The following WDR62 variants were observed in gnomAD, a reference collection of about 807,000 sequenced individuals.
WDR62 encodes the protein WD repeat-containing protein 62.
Under a neutral mutation model 160.6 loss-of-function variants are expected in WDR62, and 112 were observed. The ratio of observed to expected loss-of-function variants is 0.70; its 90% CI spans 0.60 to 0.82. WDR62 has a LOEUF of 0.82. Ranked by LOEUF, WDR62 falls within the 40% of genes least tolerant of loss-of-function variation. The probability of loss-of-function intolerance (pLI) is 0.00; values close to 1 mark genes in which losing one functional copy is unlikely to be tolerated. For synonymous variants in WDR62, 792 were observed against 815.1 expected (o/e 0.97, Z 0.48); for missense variants, 1,819 against 1,983.8 (o/e 0.92, Z 1.58).
At position 36,092,770 on chromosome 19, in the gene WDR62, G is replaced by T; in HGVS notation, c.2292G>T (p.Gln764His). The T allele has an allele frequency of 6.2e-7, 1 of 1,614,172 alleles. No homozygotes were observed. The highest frequency in any genetic ancestry group is 1.1e-5 in the South Asian group (1 of 91,088). The change falls in exon 19 of 32, where the codon CAG becomes CAT. Residue 764 changes from glutamine to histidine, a missense_variant. Around this residue, in one of 3 missense-constraint regions of WDR62, gnomAD observed 934 missense variants for 1,157.2 expected, o/e 0.81. Coordinates refer to ENST00000401500, the MANE Select transcript of WDR62 (RefSeq NM_001083961.2). ...QHLLEIDHRQ[Q>H]QQHTNDKKRS... Reference sequence around the variant, plus strand: ...TGCTGGAGATTGACCACCGGCAGCAGCAGCAGCACACAAATGACAAGAAGC... The same window carrying T: ...TGCTGGAGATTGACCACCGGCAGCATCAGCAGCACACAAATGACAAGAAGC...
chr19:36,067,745 C>T, intron 6 of WDR62, 83 bp from the exon 7 acceptor site: 2 of 1,479,322 alleles, frequency 1.4e-6, no homozygotes, highest in South Asian at 1.1e-5. Flanking sequence ...TTAGAGTTCT[C>T]CTGTTTTGTT....
intron 8 of WDR62, 68 bp downstream of exon 8, chr19:36,071,784 G>A: frequency 1.3e-6 from 2 of 1,553,014 alleles, no homozygotes; most frequent in Middle Eastern, 2.1e-4. Flanking sequence ...ATTCATCCAT[G>A]CTTCCAGATC....
chr19:36,063,182 A>C (rs1212926571), intron 3 of WDR62, among the ~76,000 whole-genome samples: 3 of 152,092 alleles, frequency 2.0e-5, no homozygotes, highest in Non-Finnish European at 2.9e-5. Flanking sequence ...TGACCTTGTG[A>C]TCCGCCCGCC....
chr19:36,069,738 C>T (rs531275750), intron 7 of WDR62, among the ~76,000 whole-genome samples: 9 of 152,388 alleles, frequency 5.9e-5, no homozygotes, highest in African/African-American at 1.9e-4. Context: ...TCTGCAATCC[C>T]GGCACCTCGG....
At chr19:36,102,629 C>G in intron 26 of WDR62, 108 bp from the exon 27 acceptor site, 1 of 894,150 alleles carries the variant, frequency 1.1e-6, no homozygotes, top group Non-Finnish European at 1.8e-6. Flanking sequence ...TACCCTGTGT[C>G]TGTACATAAG....
rs150864455 is a variant in WDR62, at chr19:36,102,497, A to G, written c.3221-240A>G. On this transcript the variant is annotated intron_variant, in intron 26 of 31. Coordinates refer to ENST00000401500, the MANE Select transcript of WDR62 (RefSeq NM_001083961.2). The stretch of plus-strand genomic sequence containing the variant: ...GACTGGTCTCAAACTCCTGCCTCAG[A>G]TGATCTGCCCGCCTTGGCCTCCCAA... 348 of 592,358 alleles carry G rather than the reference A, an allele frequency of 5.9e-4. 2 individuals are homozygous for G. The East Asian group carries it at 9.5e-3, about 16-fold the overall frequency. 36.7% of individuals were successfully genotyped at this position (592,358 alleles called of 1,614,324 possible). A position where few individuals can be genotyped will look rare whatever the true frequency, so the allele number is the denominator to read the frequency against.
Position 36,096,195 on chromosome 19 carries a change from A to G in WDR62, c.2468-832A>G, listed in dbSNP as rs117204727. ...AGCCTTGACCTCCTGGGCTCAAGCAATTTTCCCTCCTTAGCCTGTGGAGTA... is the reference window on the plus strand; with the variant it reads ...AGCCTTGACCTCCTGGGCTCAAGCAGTTTTCCCTCCTTAGCCTGTGGAGTA... On this transcript the variant is annotated intron_variant, in intron 20 of 31. Coordinates refer to ENST00000401500, the MANE Select transcript of WDR62 (RefSeq NM_001083961.2). 1.4e-3 allele frequency among the ~76,000 whole-genome samples: 216 copies of G among 152,182 alleles called. 5 individuals are homozygous for G. The highest frequency in any genetic ancestry group is 0.012 in the Admixed American group (178 of 15,288).
intron 17 of WDR62, 29 bp downstream of exon 17, chr19:36,091,340 T>TGGC: frequency 1.5e-5 from 23 of 1,578,512 alleles, no homozygotes; most frequent in Admixed American, 1.7e-5. Context: ...TTGGGATGCC[T>TGGC]CCCCACCCGC....
chr19:36,062,571 A>C (rs1420316715), intron 3 of WDR62: 3 of 135,404 alleles, frequency 2.2e-5, no homozygotes, highest in Non-Finnish European at 4.6e-5. Context: ...AATCGCTTGA[A>C]CCCGGGAGGC....
chr19:36,072,970 C>T (rs1971378116), intron 8 of WDR62, among the ~76,000 whole-genome samples: 1 of 152,196 alleles, frequency 6.6e-6, no homozygotes, highest in Non-Finnish European at 1.5e-5. Flanking sequence ...CCTTAGGACA[C>T]AGAGGCTTTT....
chr19:36,067,177 C>A, intron 5 of WDR62, 129 bp from the exon 6 acceptor site: 1 of 1,262,964 alleles, frequency 7.9e-7, no homozygotes, highest in Non-Finnish European at 1.1e-6. Flanking sequence ...CATACAGCAG[C>A]TCCCTGGAGG....
chr19:36,082,964 G>T, intron 10 of WDR62, 99 bp from the exon 11 acceptor site: 6 of 1,050,266 alleles, frequency 5.7e-6, no homozygotes, highest in Non-Finnish European at 8.7e-6. Context: ...CAAAATTAGA[G>T]TTGTATTACT....
At chr19:36,079,772 T>C (rs555325692) in intron 9 of WDR62, among the ~76,000 whole-genome samples, 17 of 152,354 alleles carry the variant, frequency 1.1e-4, no homozygotes, top group African/African-American at 3.8e-4. Context: ...GCTGATGATA[T>C]GTAGGTCTTG....
intron 11 of WDR62, 36 bp downstream of exon 11, chr19:36,083,277 C>G (rs1599796451): frequency 6.4e-7 from 1 of 1,561,082 alleles, no homozygotes. Flanking sequence ...TGTACACCTC[C>G]CAGCTCCAGC....
At chr19:36,068,439 A>C (rs1971063458) in intron 7 of WDR62, among the ~76,000 whole-genome samples, 1 of 151,952 alleles carries the variant, frequency 6.6e-6, no homozygotes, top group African/African-American at 2.4e-5. Context: ...ACAATAGTGG[A>C]GGGAAGGTCA....
rs1424285325 is a variant in WDR62 at position 36,083,702 on chromosome 19, A to G, written c.1550+461A>G. Among the ~76,000 whole-genome samples the G allele has an allele frequency of 6.6e-5, 10 of 152,242 alleles. No individual in the cohort carries two copies. The East Asian group carries it at 1.7e-3, about 26-fold the overall frequency. On this transcript the variant is annotated intron_variant, in intron 11 of 31. Coordinates refer to ENST00000401500, the MANE Select transcript of WDR62 (RefSeq NM_001083961.2). ...AACCCAGTAGGTGCTAGTGGGACAT[A>G]GGCCCTGTTGCTGGGACCAGGTTTA...
At chr19:36,093,987 A>G (rs200659502) in intron 19 of WDR62, 44 bp from the exon 20 acceptor site, 6 of 1,611,920 alleles carry the variant, frequency 3.7e-6, no homozygotes, top group Non-Finnish European at 5.1e-6. Flanking sequence ...CCACCAGCCC[A>G]TTTGCCTGTA....
At position 36,099,482 on chromosome 19, in the gene WDR62, C is replaced by T. The variant is rs541758040; in HGVS notation, c.2604C>T (p.Ala868=). 21 of 1,614,026 alleles carry T rather than the reference C, an allele frequency of 1.3e-5. 1 individual carries two copies. The highest frequency in any genetic ancestry group is 1.1e-4 in the East Asian group (5 of 44,878). ...YQPHGRWAER[A]GQEPLKTILD... ...CCCACGGCCGCTGGGCAGAGCGGGC[C>T]GGCCAAGAGCCCCTCAAGACCATCC... Residue 868 remains alanine, a synonymous_variant, in exon 22 of 32, where the codon GCC becomes GCT. Transcript: ENST00000401500.
intron 6 of WDR62, 88 bp from the exon 7 acceptor site, chr19:36,067,740 G>T: frequency 2.8e-6 from 4 of 1,452,496 alleles, no homozygotes; most frequent in Non-Finnish European, 3.8e-6. Context: ...GCTTCTTAGA[G>T]TTCTCCTGTT....
Sources: allele counts gnomAD v4.1 joint callset (sites outside exome capture counted in the v4.1 genomes callset), GRCh38; gene constraint gnomAD v4.1.1; regional missense constraint gnomAD v4.1.1; transcripts MANE v1.5; gene names NCBI Gene and HGNC (gene_info 2026-07-23, HGNC 2026-07-21).